The following NBEA variants were observed in gnomAD, a reference collection of about 807,000 sequenced individuals.
NBEA encodes the protein neurobeachin, also known as lysosomal-trafficking regulator 2.
In NBEA, 44 loss-of-function variants were observed where a neutral mutation model predicts 343.4. That is an observed-to-expected ratio of 0.13 (90% CI 0.10 to 0.16). The LOEUF is 0.16. Among genes scored for constraint, NBEA ranks in the 10% least tolerant of loss-of-function variants. The pLI is 1.00. For synonymous variants in NBEA, 1,175 were observed against 1,238.7 expected (o/e 0.95, Z 1.08); for missense variants, 2,555 against 3,631.3 (o/e 0.70, Z 7.62).
At chr13:35,281,052 A>G (rs567138507) in intron 34 of NBEA, among the ~76,000 whole-genome samples, 1 of 152,174 alleles carries the variant, frequency 6.6e-6, no homozygotes, top group South Asian at 2.1e-4. Context: ...AGATCTCACC[A>G]TGAATTGTGG....
chr13:35,243,641 A>G (rs542240710), intron 34 of NBEA, among the ~76,000 whole-genome samples: 16 of 152,026 alleles, frequency 1.1e-4, no homozygotes, highest in Admixed American at 7.9e-4. Context: ...AAGCTTTTGA[A>G]ACTGTTAAAT....
chr13:35,240,174 T>C (rs1306538533), intron 34 of NBEA, among the ~76,000 whole-genome samples: 1 of 151,826 alleles, frequency 6.6e-6, no homozygotes, highest in Non-Finnish European at 1.5e-5. Flanking sequence ...ATTTAGAGAA[T>C]GATAGAGAAC....
At chr13:35,498,629 TATTTA>T (rs2076773879) in intron 41 of NBEA, among the ~76,000 whole-genome samples, 1 of 152,082 alleles carries the variant, frequency 6.6e-6, no homozygotes, top group Admixed American at 6.6e-5. Flanking sequence ...TCTCCTTGAC[TATTTA>T]ATTTATGCAA....
intron 38 of NBEA, among the ~76,000 whole-genome samples, chr13:35,392,069 G>C (rs899790276): frequency 6.6e-6 from 1 of 151,930 alleles, no homozygotes. Flanking sequence ...CAAGCACGCT[G>C]TTTCTCTTAG....
At chr13:35,288,926 C>T (rs2035616839) in intron 34 of NBEA, among the ~76,000 whole-genome samples, 1 of 151,900 alleles carries the variant, frequency 6.6e-6, no homozygotes, top group Admixed American at 6.6e-5. Flanking sequence ...ATCAGTTACA[C>T]CAATTGTCTC....
rs774207332 is a variant in NBEA at position 35,668,320 on chromosome 13, T to G, written c.8662-48T>G. On this transcript the variant is annotated intron_variant, in intron 57 of 58. Coordinates refer to ENST00000379939, the MANE Select transcript of NBEA (RefSeq NM_001385012.1). The stretch of plus-strand genomic sequence containing the variant: ...TTGAGAGAAATGGTTGTTGTGTATT[T>G]TATTTTATTTTGTTTTTTTTTGTTT... 14 of 1,526,806 alleles carry G rather than the reference T, an allele frequency of 9.2e-6. No individual in the cohort carries two copies. In the African/African-American group the frequency reaches 1.9e-4, roughly 21 times the overall value. The allele number at this position is 1,526,806 out of a possible 1,614,324, so 94.6% of individuals were successfully genotyped here.
chr13:35,195,120 G>C (rs986037165), intron 30 of NBEA, among the ~76,000 whole-genome samples: 1 of 151,980 alleles, frequency 6.6e-6, no homozygotes, highest in Non-Finnish European at 1.5e-5. Flanking sequence ...AGTTATTGAA[G>C]TACCAAAGAA....
chr13:35,154,490 G>T, intron 18 of NBEA, among the ~76,000 whole-genome samples: 1 of 152,126 alleles, frequency 6.6e-6, no homozygotes, highest in East Asian at 1.9e-4. Context: ...ACCTCATAGG[G>T]TTTATGTAAG....
intron 1 of NBEA, among the ~76,000 whole-genome samples, chr13:34,974,683 A>T (rs1160084884): frequency 6.6e-6 from 1 of 152,174 alleles, no homozygotes; most frequent in Admixed American, 6.5e-5. Context: ...TATTTTAGGG[A>T]TAGAATAAAT....
At chr13:35,135,837 G>T (rs918564968) in intron 17 of NBEA, among the ~76,000 whole-genome samples, 1 of 151,732 alleles carries the variant, frequency 6.6e-6, no homozygotes, top group Admixed American at 6.6e-5. Flanking sequence ...TTCAATAATT[G>T]GCAGTGGGAA....
intron 36 of NBEA, among the ~76,000 whole-genome samples, chr13:35,311,318 A>T (rs7999674): frequency 0.15 from 22,137 of 149,344 alleles, 1,890 homozygotes; most frequent in African/African-American, 0.24. Flanking sequence ...GCGAAGTAAA[A>T]ATATATATAT....
intron 41 of NBEA, among the ~76,000 whole-genome samples, chr13:35,487,057 A>G (rs566969051): frequency 7.2e-5 from 11 of 151,964 alleles, no homozygotes; most frequent in Admixed American, 6.6e-4. Context: ...ATGTAATATC[A>G]GTGAGCTATA....
intron 10 of NBEA, among the ~76,000 whole-genome samples, chr13:35,097,038 T>A (rs2065371025): frequency 6.6e-6 from 1 of 151,894 alleles, no homozygotes; most frequent in South Asian, 2.1e-4. Flanking sequence ...GTACTTTATT[T>A]CTAGATACTA....
chr13:34,989,166 G>GT (rs2060661808), intron 1 of NBEA, among the ~76,000 whole-genome samples: 1 of 150,770 alleles, frequency 6.6e-6, no homozygotes, highest in African/African-American at 2.4e-5. Flanking sequence ...TTACCATACT[G>GT]TTTCACTTAA....
At chr13:35,056,315 T>C (rs1352728247) in intron 7 of NBEA, among the ~76,000 whole-genome samples, 186 bp downstream of exon 7, 1 of 152,082 alleles carries the variant, frequency 6.6e-6, no homozygotes, top group Non-Finnish European at 1.5e-5. Flanking sequence ...TGATTAGTGA[T>C]TAAAAAAACA....
At position 34,942,333 on chromosome 13, in the gene NBEA, T is replaced by C. The variant is rs972054701; in HGVS notation, c.-488T>C. 3 of 153,624 alleles carry C rather than the reference T, an allele frequency of 2.0e-5. No homozygotes were observed. Among genetic ancestry groups the C allele is most frequent in the Non-Finnish European group, 4.4e-5 (3 of 68,940 alleles). 9.5% of individuals were successfully genotyped at this position (153,624 alleles called of 1,614,324 possible). Reference sequence around the variant, plus strand: ...CGGAGTGAGCGGCGGCGTCGGGGCTTCACAACAACAGTGGTGGCCGTAGCA... The same window carrying C: ...CGGAGTGAGCGGCGGCGTCGGGGCTCCACAACAACAGTGGTGGCCGTAGCA... On this transcript the variant is annotated 5_prime_UTR_variant, in exon 1 of 59. Coordinates refer to ENST00000379939, the MANE Select transcript of NBEA (RefSeq NM_001385012.1).
chr13:35,624,318 C>T (rs2083129161), intron 48 of NBEA, among the ~76,000 whole-genome samples: 2 of 152,010 alleles, frequency 1.3e-5, no homozygotes, highest in Middle Eastern at 3.2e-3. Flanking sequence ...CAAAGTATTA[C>T]AGTTGCATCA....
intron 37 of NBEA, among the ~76,000 whole-genome samples, chr13:35,350,947 AGTT>A (rs1373082648): frequency 6.6e-6 from 1 of 151,958 alleles, no homozygotes; most frequent in Non-Finnish European, 1.5e-5. Context: ...TAACTACTGT[AGTT>A]GTTAAGGAAG....
intron 48 of NBEA, among the ~76,000 whole-genome samples, chr13:35,609,891 C>T (rs989957071): frequency 1.3e-5 from 2 of 152,076 alleles, no homozygotes; most frequent in African/African-American, 4.8e-5. Context: ...TGAGAAGCTG[C>T]CTGCTCTGTA....
Sources: gnomAD v4.1 joint callset for allele counts (sites outside exome capture counted in the v4.1 genomes callset) on GRCh38, gnomAD v4.1.1 for gene constraint, MANE v1.5 for transcripts, NCBI Gene and HGNC (gene_info 2026-07-23, HGNC 2026-07-21) for gene names.